Variants in DGKI observed in about 807,000 individuals in gnomAD.
DGKI encodes the protein DAG kinase iota.
DGKI carries 55 observed loss-of-function variants against 147.5 expected under a neutral mutation model. The observed-to-expected ratio is 0.37, with a 90% confidence interval of 0.30 to 0.47. DGKI has a LOEUF of 0.47. Among genes scored for constraint, DGKI ranks in the 20% least tolerant of loss-of-function variants. DGKI has a pLI of 1.00. For synonymous variants in DGKI, 469 were observed against 477.1 expected (o/e 0.98, Z 0.22); for missense variants, 1,007 against 1,323.8 (o/e 0.76, Z 3.71).
intron 6 of DGKI, among the ~76,000 whole-genome samples, chr7:137,642,780 C>T (rs11971888): frequency 0.084 from 12,730 of 150,884 alleles, 1,718 homozygotes; most frequent in African/African-American, 0.29. Flanking sequence ...ATTTTAAAAG[C>T]AGAAATGGAA....
intron 23 of DGKI, among the ~76,000 whole-genome samples, chr7:137,481,477 A>G (rs1025936742): frequency 8.5e-5 from 13 of 152,244 alleles, no homozygotes; most frequent in Admixed American, 2.6e-4. Flanking sequence ...CTTGTAAAAC[A>G]TATTAGTTAC....
At chr7:137,717,253 C>T (rs34269856) in intron 1 of DGKI, among the ~76,000 whole-genome samples, 18,850 of 152,128 alleles carry the variant, frequency 0.12, 1,386 homozygotes, top group African/African-American at 0.21. Context: ...TGGGAGGGCC[C>T]ATTATTTAGT....
chr7:137,675,008 C>T (rs1386025162), intron 3 of DGKI, among the ~76,000 whole-genome samples: 3 of 152,204 alleles, frequency 2.0e-5, no homozygotes, highest in African/African-American at 7.2e-5. Context: ...AATTTAGTCC[C>T]AGCCCCAACA....
intron 6 of DGKI, among the ~76,000 whole-genome samples, chr7:137,634,565 T>G (rs1357798173): frequency 6.6e-6 from 1 of 152,186 alleles, no homozygotes; most frequent in African/African-American, 2.4e-5. Flanking sequence ...GAGCCCAGCC[T>G]TAATCCATTG....
chr7:137,829,336 C>T (rs1419776459), intron 1 of DGKI, among the ~76,000 whole-genome samples: 1 of 152,192 alleles, frequency 6.6e-6, no homozygotes, highest in African/African-American at 2.4e-5. Flanking sequence ...CTAGTTACAC[C>T]CTGAAAGTAC....
chr7:137,477,220 G>A lies in DGKI; in HGVS notation c.2374-7601C>T, dbSNP rs899920610. Among the ~76,000 whole-genome samples, 4 of 152,074 alleles carry A rather than the reference G, an allele frequency of 2.6e-5. No individual in the cohort carries two copies. The East Asian group carries it at 5.8e-4, about 22-fold the overall frequency. On this transcript the variant is annotated intron_variant, in intron 23 of 32. Coordinates refer to ENST00000614521, the MANE Select transcript of DGKI (RefSeq NM_001321708.2). ...ATTCCACAGAAATATGGTAATCAAT[G>A]GGAATGGCAGGCAACCCCAACCCAG...
chr7:137,754,870 T>C (rs553546086), intron 1 of DGKI, among the ~76,000 whole-genome samples: 43 of 152,312 alleles, frequency 2.8e-4, no homozygotes, highest in African/African-American at 9.4e-4. Context: ...GATGCCTTTC[T>C]CCATTTGGGA....
At chr7:137,829,685 A>G (rs974628597) in intron 1 of DGKI, among the ~76,000 whole-genome samples, 1 of 152,246 alleles carries the variant, frequency 6.6e-6, no homozygotes, top group African/African-American at 2.4e-5. Context: ...TAGCCTTTGT[A>G]CTTAAAATAG....
chr7:137,485,527 G>C (rs1815524865), intron 22 of DGKI, 109 bp from the exon 23 acceptor site: 13 of 825,636 alleles, frequency 1.6e-5, no homozygotes, highest in Non-Finnish European at 2.3e-5. Flanking sequence ...ATGCTCATCT[G>C]GAAAGTATCG....
intron 2 of DGKI, among the ~76,000 whole-genome samples, chr7:137,682,966 T>A (rs893066784): frequency 6.6e-6 from 1 of 152,200 alleles, no homozygotes; most frequent in Non-Finnish European, 1.5e-5. Flanking sequence ...TCTCTTGTAT[T>A]AAGCCATTAT....
intron 8 of DGKI, among the ~76,000 whole-genome samples, chr7:137,612,810 A>G (rs1820410863): frequency 6.6e-6 from 1 of 152,174 alleles, no homozygotes; most frequent in South Asian, 2.1e-4. Flanking sequence ...ACTCGGTGAT[A>G]AAAGCATTCG....
At chr7:137,575,294 C>A (rs933553356) in intron 17 of DGKI, among the ~76,000 whole-genome samples, 6 of 152,080 alleles carry the variant, frequency 3.9e-5, no homozygotes, top group African/African-American at 1.4e-4. Context: ...AGGCTGATAT[C>A]ACATCTTTCC....
chr7:137,725,394 T>C (rs2116636681), intron 1 of DGKI, among the ~76,000 whole-genome samples: 1 of 152,266 alleles, frequency 6.6e-6, no homozygotes, highest in East Asian at 1.9e-4. Context: ...CCAATCAACC[T>C]TCCCCCAATT....
At chr7:137,763,040 T>C (rs1364081655) in intron 1 of DGKI, among the ~76,000 whole-genome samples, 1 of 152,240 alleles carries the variant, frequency 6.6e-6, no homozygotes, top group East Asian at 1.9e-4. Context: ...CTCTTTATTC[T>C]CATCTAAATT....
intron 1 of DGKI, among the ~76,000 whole-genome samples, chr7:137,841,416 T>C (rs1798541160): frequency 6.6e-6 from 1 of 152,228 alleles, no homozygotes; most frequent in African/African-American, 2.4e-5. Flanking sequence ...TGAAAAAAAG[T>C]TTTATGGCTT....
At chr7:137,585,597 G>A (rs570502675) in intron 13 of DGKI, among the ~76,000 whole-genome samples, 3 of 152,238 alleles carry the variant, frequency 2.0e-5, no homozygotes, top group East Asian at 1.9e-4. Context: ...AATAGTCACC[G>A]GTACACATTA....
intron 23 of DGKI, among the ~76,000 whole-genome samples, chr7:137,479,396 C>T (rs967945527): frequency 1.3e-5 from 2 of 152,142 alleles, no homozygotes; most frequent in African/African-American, 2.4e-5. Flanking sequence ...TAGGCACATG[C>T]ACAAACACAA....
chr7:137,422,392 G>C (rs1202784182), intron 28 of DGKI, among the ~76,000 whole-genome samples: 1 of 151,882 alleles, frequency 6.6e-6, no homozygotes, highest in Non-Finnish European at 1.5e-5. Context: ...CATCACCTTT[G>C]GATGTAATGG....
chr7:137,660,696 T>A (rs1822394335), intron 3 of DGKI, among the ~76,000 whole-genome samples: 1 of 152,178 alleles, frequency 6.6e-6, no homozygotes, highest in South Asian at 2.1e-4. Context: ...GAAAGCTATT[T>A]TTTTTCTTCC....
Sources: allele counts gnomAD v4.1 joint callset (sites outside exome capture counted in the v4.1 genomes callset), GRCh38; gene constraint gnomAD v4.1.1; transcripts MANE v1.5; gene names NCBI Gene and HGNC (gene_info 2026-07-23, HGNC 2026-07-21).